SLC48A1: variants seen among roughly 807,000 people sequenced by gnomAD.
SLC48A1 encodes heme transporter HRG1.
In SLC48A1, 6 loss-of-function variants were observed where a neutral mutation model predicts 14.8. The ratio of observed to expected loss-of-function variants is 0.41; its 90% CI spans 0.22 to 0.80. The LOEUF (loss-of-function observed/expected upper bound fraction) is 0.80. Among genes scored for constraint, SLC48A1 ranks in the 30% least tolerant of loss-of-function variants. The probability of loss-of-function intolerance (pLI) is 0.34; values close to 1 mark genes in which losing one functional copy is unlikely to be tolerated. For synonymous variants in SLC48A1, 89 were observed against 90.0 expected, an observed-to-expected ratio of 0.99 and a Z score of 0.06; for missense variants, 165 against 204.8, an observed-to-expected ratio of 0.81 and a Z score of 1.19.
chr12:47,770,488 T>G (rs892754365), upstream of SLC48A1, among the ~76,000 whole-genome samples: 2 of 152,196 alleles, frequency 1.3e-5, no homozygotes, highest in Non-Finnish European at 2.9e-5. Flanking sequence ...CTGCTACTAA[T>G]TCTACTTCCT....
intron 2 of SLC48A1, among the ~76,000 whole-genome samples, chr12:47,761,365 C>G (rs892756615): frequency 5.9e-5 from 9 of 152,146 alleles, no homozygotes; most frequent in Non-Finnish European, 5.9e-5. Flanking sequence ...TTTTCCATTT[C>G]TTTTTCATTC....
intron 2 of SLC48A1, 95 bp downstream of exon 2, chr12:47,779,290 A>G: frequency 7.0e-7 from 1 of 1,426,174 alleles, no homozygotes. Context: ...ACCTCCAAAG[A>G]GACTGGGTGA....
intron 1 of SLC48A1, among the ~76,000 whole-genome samples, chr12:47,774,491 T>C (rs1592606407): frequency 6.6e-6 from 1 of 152,300 alleles, no homozygotes; most frequent in Non-Finnish European, 1.5e-5. Context: ...GGGAAAGGAC[T>C]TTGGGAAGAA....
chr12:47,774,379 T>C (rs1342006453), intron 1 of SLC48A1, among the ~76,000 whole-genome samples: 1 of 152,226 alleles, frequency 6.6e-6, no homozygotes, highest in Non-Finnish European at 1.5e-5. Context: ...TCTCATGAAG[T>C]AGGCCTTACG....
At chr12:47,771,563 C>T (rs1250190104), upstream of SLC48A1, 1 of 152,342 alleles carries the variant, frequency 6.6e-6, no homozygotes, top group Non-Finnish European at 1.5e-5. Context: ...TGGACTATCC[C>T]CTCAATCACA....
upstream of SLC48A1, among the ~76,000 whole-genome samples, chr12:47,768,279 G>A (rs1047997969): frequency 6.6e-6 from 1 of 152,102 alleles, no homozygotes; most frequent in Admixed American, 6.6e-5. Flanking sequence ...ACCCGGCCAT[G>A]GCTATTATTT....
intron 1 of SLC48A1, among the ~76,000 whole-genome samples, chr12:47,759,422 C>T (rs183149933): frequency 4.0e-5 from 4 of 100,872 alleles, no homozygotes; most frequent in South Asian, 2.8e-4. Context: ...CCTGCCCCAG[C>T]ACACACACAC....
At chr12:47,772,084 T>C (rs1359797036), upstream of SLC48A1, 1 of 154,810 alleles carries the variant, frequency 6.5e-6, no homozygotes. Flanking sequence ...TGTGTTATTT[T>C]AAATCAGTAA....
At position 47,779,106 on chromosome 12, in the gene SLC48A1, G is replaced by A. The variant is rs1051937864; in HGVS notation, c.215G>A (p.Arg72His). 38 of 1,551,770 alleles carry A rather than the reference G, an allele frequency of 2.4e-5. No individual in the cohort carries two copies. In the Middle Eastern group the frequency reaches 5.0e-4, roughly 20 times the overall value. ...TGGAGGACCTGGCTCAAGGGGCTGCGCGGCTTCTTCTTCGTGGGCGTCCTC... is the reference window on the plus strand; with the variant it reads ...TGGAGGACCTGGCTCAAGGGGCTGCACGGCTTCTTCTTCGTGGGCGTCCTC... Reference protein sequence around the residue: ...DYWRTWLKGLRGFFFVGVLFS... With the variant: ...DYWRTWLKGLHGFFFVGVLFS... The change falls in exon 2 of 3, where the codon CGC becomes CAC. Residue 72 changes from arginine to histidine, a missense_variant. By Grantham distance (29) the Arg-to-His change is conservative (BLOSUM62 0). Coordinates refer to ENST00000442218, the MANE Select transcript of SLC48A1 (RefSeq NM_017842.3).
chr12:47,781,174 C>T lies in SLC48A1; in HGVS notation c.*893C>T, dbSNP rs1942867337. 1 of 314,624 alleles carries T rather than the reference C, an allele frequency of 3.2e-6. No homozygotes were observed. Among genetic ancestry groups the T allele is most frequent in the Admixed American group, 4.7e-5 (1 of 21,504 alleles). 19.5% of individuals were successfully genotyped at this position (314,624 alleles called of 1,614,324 possible). ...GCCCCCCACCCATCTCACTCACACA[C>T]ACAGGCATCCATACACCCCAGAAGA... On this transcript the variant is annotated 3_prime_UTR_variant, in exon 3 of 3. Coordinates refer to ENST00000442218, the MANE Select transcript of SLC48A1 (RefSeq NM_017842.3).
At chr12:47,765,076 C>CAAAAAAAA (rs750174911) in intron 2 of SLC48A1, among the ~76,000 whole-genome samples, 1 of 38,196 alleles carries the variant, frequency 2.6e-5, no homozygotes, top group Non-Finnish European at 4.6e-5. Flanking sequence ...GACTCTGTCT[C>CAAAAAAAA]AAAAAAAAAA....
chr12:47,757,020 G>T (rs959972942), upstream of SLC48A1, among the ~76,000 whole-genome samples: 1 of 151,910 alleles, frequency 6.6e-6, no homozygotes, highest in Non-Finnish European at 1.5e-5. Context: ...CCGGCCAAGC[G>T]CAGTGGGTCA....
rs1458551265 is a variant in SLC48A1, at chr12:47,779,492, T to G, written c.304+297T>G. On this transcript the variant is annotated intron_variant, in intron 2 of 2. Coordinates refer to ENST00000442218, the MANE Select transcript of SLC48A1 (RefSeq NM_017842.3). ...TGGGATGGGAGCGCCCTCTGGTGGC[T>G]GTGGCTGGAAATAACCAGAGGTCCT... Among the ~76,000 whole-genome samples the G allele has an allele frequency of 3.9e-5, 6 of 152,332 alleles. No homozygotes were observed. In the South Asian group the frequency reaches 1.2e-3, roughly 32 times the overall value.
At chr12:47,755,513 T>C (rs542992967), upstream of SLC48A1, among the ~76,000 whole-genome samples, 16 of 152,220 alleles carry the variant, frequency 1.1e-4, 1 homozygote, top group Admixed American at 8.5e-4. Context: ...CCACCACAGG[T>C]CACTCTGATC....
At chr12:47,765,871 A>G (rs565754943) in intron 2 of SLC48A1, among the ~76,000 whole-genome samples, 3 of 152,140 alleles carry the variant, frequency 2.0e-5, no homozygotes, top group African/African-American at 7.2e-5. Flanking sequence ...TCCTGCATTA[A>G]TAGTAACCAA....
chr12:47,758,461 C>G, upstream of SLC48A1: 1 of 1,586,158 alleles, frequency 6.3e-7, no homozygotes, highest in Non-Finnish European at 8.6e-7. Context: ...CCCTGACTAA[C>G]CCTCCCTCTC....
At chr12:47,757,371 C>G (rs544795981), upstream of SLC48A1, among the ~76,000 whole-genome samples, 1 of 152,102 alleles carries the variant, frequency 6.6e-6, no homozygotes, top group Non-Finnish European at 1.5e-5. Context: ...CCTGAGCCCC[C>G]CAAAGGCAGG....
chr12:47,763,516 G>A (rs1188066293), intron 2 of SLC48A1, among the ~76,000 whole-genome samples: 1 of 152,146 alleles, frequency 6.6e-6, no homozygotes, highest in Non-Finnish European at 1.5e-5. Context: ...CAGAGAGGCA[G>A]GTATCCTCCT....
At chr12:47,757,840 C>G (rs201655842), upstream of SLC48A1, 1,497 of 1,540,638 alleles carry the variant, frequency 9.7e-4, 1 homozygote, top group Non-Finnish European at 1.0e-3. Flanking sequence ...CTGGCCCTGG[C>G]ACCTGGGCAG....
Sources: allele counts gnomAD v4.1 joint callset (sites outside exome capture counted in the v4.1 genomes callset), GRCh38; gene constraint gnomAD v4.1.1; transcripts MANE v1.5; gene names NCBI Gene and HGNC (gene_info 2026-07-23, HGNC 2026-07-21).